The following ARMH3 variants were observed in gnomAD, a reference collection of about 807,000 sequenced individuals.
ARMH3 encodes the protein armadillo like helical domain containing 3.
Under a neutral mutation model 99.1 loss-of-function variants are expected in ARMH3, and 60 were observed. The observed-to-expected ratio is 0.61, with a 90% CI of 0.49 to 0.75. ARMH3 has a LOEUF of 0.75. ARMH3 is among the 30% of genes least tolerant of loss of function. ARMH3 has a pLI of 0.00. For missense variants in ARMH3, 679 were observed against 843.1 expected (o/e 0.81, Z 2.41); for synonymous variants, 285 against 292.8 (o/e 0.97, Z 0.27).
At chr10:101,898,964 T>C (rs2067909733) in intron 23 of ARMH3, among the ~76,000 whole-genome samples, 1 of 152,228 alleles carries the variant, frequency 6.6e-6, no homozygotes, top group Non-Finnish European at 1.5e-5. Context: ...GCCTAAGTCA[T>C]CTTTTTCCTT....
chr10:101,993,506 A>G, intron 17 of ARMH3, 32 bp downstream of exon 17: 4 of 1,534,262 alleles, frequency 2.6e-6, no homozygotes, highest in Non-Finnish European at 2.7e-6. Context: ...AATTTCCTCT[A>G]AGAAAAAACA....
At chr10:101,909,463 CTTT>C (rs61122631) in intron 23 of ARMH3, among the ~76,000 whole-genome samples, 2 of 71,730 alleles carry the variant, frequency 2.8e-5, no homozygotes, top group South Asian at 6.1e-4. Context: ...CAAGCTTCCT[CTTT>C]TTTTTTTTTT....
rs531214090 is a variant in ARMH3 at position 101,876,649 on chromosome 10, T to G, written c.1860+12763A>C. Among the ~76,000 whole-genome samples the G allele has an allele frequency of 7.2e-5, 11 of 152,322 alleles. 2 individuals are homozygous for G. Among genetic ancestry groups the G allele is most frequent in the African/African-American group, 2.6e-4 (11 of 41,596 alleles). On this transcript the variant is annotated intron_variant, in intron 24 of 25. Transcript: ENST00000370033. ...TTAATAATAGAGATACAAGTTTGCA[T>G]AATGACACATGTGGCCTCTGATGTT...
At chr10:101,863,891 T>C (rs1408333557) in intron 24 of ARMH3, among the ~76,000 whole-genome samples, 3 of 151,510 alleles carry the variant, frequency 2.0e-5, no homozygotes, top group Non-Finnish European at 4.4e-5. Context: ...TGAAACCCTG[T>C]CTCTACTAAA....
At chr10:101,975,049 TAAAAAAAAAAAAA>T (rs11399489) in intron 20 of ARMH3, among the ~76,000 whole-genome samples, 150 bp downstream of exon 20, 70 of 29,672 alleles carry the variant, frequency 2.4e-3, no homozygotes, top group African/African-American at 9.6e-3. Context: ...AGCTAAAACG[TAAAAAAAAAAAAA>T]AAAAAAAAAA....
At chr10:101,973,349 G>C (rs1412440988) in intron 20 of ARMH3, among the ~76,000 whole-genome samples, 3 of 126,184 alleles carry the variant, frequency 2.4e-5, no homozygotes, top group African/African-American at 9.2e-5. Flanking sequence ...GACAGAGCGA[G>C]ACTCCGTCTC....
At chr10:102,049,649 C>T (rs2067647576) in intron 1 of ARMH3, among the ~76,000 whole-genome samples, 1 of 150,194 alleles carries the variant, frequency 6.7e-6, no homozygotes, top group Non-Finnish European at 1.5e-5. Context: ...TGGCTCACTG[C>T]AGCCTCAGGG....
At chr10:101,899,147 C>T (rs1451007632) in intron 23 of ARMH3, among the ~76,000 whole-genome samples, 1 of 152,194 alleles carries the variant, frequency 6.6e-6, no homozygotes, top group Non-Finnish European at 1.5e-5. Flanking sequence ...TTGAATTTCA[C>T]TTCCAAAACT....
intron 24 of ARMH3, among the ~76,000 whole-genome samples, chr10:101,866,969 C>A (rs1031884754): frequency 2.0e-5 from 3 of 151,934 alleles, no homozygotes; most frequent in Non-Finnish European, 4.4e-5. Context: ...GACAAAAGTA[C>A]CCTATTCTGA....
chr10:101,928,406 C>T (rs1009663296), intron 23 of ARMH3, among the ~76,000 whole-genome samples: 10 of 152,220 alleles, frequency 6.6e-5, no homozygotes, highest in African/African-American at 1.9e-4. Flanking sequence ...GATTGACTCC[C>T]TTTCTCCTGG....
chr10:101,938,364 G>A (rs1844085620), intron 23 of ARMH3, among the ~76,000 whole-genome samples: 1 of 152,274 alleles, frequency 6.6e-6, no homozygotes, highest in African/African-American at 2.4e-5. Flanking sequence ...CTTAGCTGTC[G>A]GAAAAAGGAG....
At chr10:101,925,561 A>G (rs1366961314) in intron 23 of ARMH3, among the ~76,000 whole-genome samples, 1 of 152,230 alleles carries the variant, frequency 6.6e-6, no homozygotes, top group Non-Finnish European at 1.5e-5. Flanking sequence ...AAATGGAATC[A>G]ACAGGTTCAG....
intron 23 of ARMH3, among the ~76,000 whole-genome samples, chr10:101,911,520 T>A (rs577786828): frequency 4.6e-5 from 7 of 152,242 alleles, no homozygotes; most frequent in African/African-American, 1.7e-4. Flanking sequence ...GAGGATGGCT[T>A]GAGGCCAGGA....
At chr10:101,936,771 GATGA>G (rs1402200020) in intron 23 of ARMH3, among the ~76,000 whole-genome samples, 2 of 152,160 alleles carry the variant, frequency 1.3e-5, no homozygotes, top group African/African-American at 4.8e-5. Context: ...TCCATCAACG[GATGA>G]ATGGATAAGT....
chr10:101,928,707 A>C (rs546830655), intron 23 of ARMH3, among the ~76,000 whole-genome samples: 7 of 152,232 alleles, frequency 4.6e-5, no homozygotes, highest in Admixed American at 3.9e-4. Flanking sequence ...CAATACAATA[A>C]GATATTTTGT....
In ARMH3 at chr10:101,926,423, G is replaced by A. The variant is rs1038806920; in HGVS notation, c.1781+13440C>T. Among the ~76,000 whole-genome samples, 6 of 152,166 alleles carry A rather than the reference G, an allele frequency of 3.9e-5. No homozygotes were observed. The East Asian group carries it at 7.7e-4, about 20-fold the overall frequency. On this transcript the variant is annotated intron_variant, in intron 23 of 25. Transcript: ENST00000370033. ...TCCTCTTGCCTCAGCCTCCCAAAGC[G>A]CTGGGATTACAAGTGTGAACCACCA...
rs533241566 is a variant in ARMH3, at chr10:102,053,343, A to T, written c.-12+2742T>A. Among the ~76,000 whole-genome samples, 6 of 151,702 alleles carry T rather than the reference A, an allele frequency of 4.0e-5. No homozygotes were observed. The South Asian group carries it at 1.0e-3, about 26-fold the overall frequency. On this transcript the variant is annotated intron_variant, in intron 1 of 25. Coordinates refer to ENST00000370033, the MANE Select transcript of ARMH3 (RefSeq NM_024541.3). ...GGACAAATTTCTGAGATTTAAAATA[A>T]TTTTTTTTCCTCTCACATCCTCACC...
At chr10:101,906,406 A>G (rs1842639212) in intron 23 of ARMH3, among the ~76,000 whole-genome samples, 1 of 152,222 alleles carries the variant, frequency 6.6e-6, no homozygotes, top group South Asian at 2.1e-4. Flanking sequence ...CTGAAATCCA[A>G]CTTGTGACTG....
intron 22 of ARMH3, among the ~76,000 whole-genome samples, chr10:101,954,186 T>C (rs535458645): frequency 1.2e-4 from 18 of 152,216 alleles, no homozygotes; most frequent in African/African-American, 4.3e-4. Context: ...AGAAAGACCC[T>C]GTCTCAAGAA....
Sources: allele counts gnomAD v4.1 joint callset (sites outside exome capture counted in the v4.1 genomes callset), GRCh38; gene constraint gnomAD v4.1.1; transcripts MANE v1.5; gene names NCBI Gene and HGNC (gene_info 2026-07-23, HGNC 2026-07-21).